Variants in CFTR observed in about 807,000 individuals in gnomAD.
The protein encoded by CFTR is CF transmembrane conductance regulator.
In CFTR, 181 loss-of-function variants were observed where a neutral mutation model predicts 171.6. The observed-to-expected ratio is 1.05, with a 90% CI of 0.93 to 1.19. The LOEUF (loss-of-function observed/expected upper bound fraction) is 1.19, where lower values mean the gene tolerates loss of function less well. Ranked by LOEUF, CFTR falls within the 50% of genes most tolerant of loss-of-function variation. The pLI is 0.00. For missense variants in CFTR, 1,968 were observed against 1,734.7 expected (o/e 1.13, Z -2.39); for synonymous variants, 583 against 608.0 (o/e 0.96, Z 0.60).
intron 10 of CFTR, among the ~76,000 whole-genome samples, chr7:117,550,444 A>AT (rs1175960655): frequency 6.6e-6 from 1 of 151,880 alleles, no homozygotes; most frequent in Admixed American, 6.6e-5. Context: ...GGAATTGTGC[A>AT]TTTTTTCTTA....
chr7:117,530,925 C>G lies in CFTR; in HGVS notation c.300C>G (p.Leu100=), dbSNP rs1206224160. Residue 100 remains leucine (L), a synonymous_variant, in exon 4 of 27, where the codon CTC becomes CTG. Coordinates refer to ENST00000003084, the MANE Select transcript of CFTR (RefSeq NM_000492.4). The part of the protein sequence containing the change: ...LGEVTKAVQP[L]LLGRIIASYD... ...AAGTCACCAAAGCAGTACAGCCTCT[C>G]TTACTGGGAAGAATCATAGCTTCCT... is the stretch of plus-strand genomic sequence containing the variant. 6.2e-7 allele frequency: 1 copy of G among 1,613,280 alleles called. No homozygotes were observed. The highest frequency in any genetic ancestry group is 1.3e-5 in the African/African-American group (1 of 74,906).
chr7:117,657,499 C>G (rs1180107750), intron 24 of CFTR, among the ~76,000 whole-genome samples: 1 of 152,078 alleles, frequency 6.6e-6, no homozygotes, highest in African/African-American at 2.4e-5. Flanking sequence ...CAAGTATCAG[C>G]CTAGAGAAGC....
At chr7:117,595,210 T>TA in intron 15 of CFTR, 152 bp downstream of exon 15, 4 of 566,878 alleles carry the variant, frequency 7.1e-6, no homozygotes, top group Non-Finnish European at 1.2e-5. Flanking sequence ...TATCACTATA[T>TA]GTATATATGT....
rs1367483657 is a variant in CFTR at position 117,548,809 on chromosome 7, A to G, written c.1378A>G (p.Thr460Ala). ...RGQLLAVAGS[T>A]GAGKTSLLMV... is the part of the protein sequence containing the mutation. ...ACAGTTGTTGGCGGTTGCTGGATCC[A>G]CTGGAGCAGGCAAGGTAGTTCTTTT... Residue 460 changes from threonine (T) to alanine (A), a missense_variant, in exon 10 of 27, where the codon ACT (threonine) becomes GCT (alanine). Thr to Ala is a moderately conservative substitution (Grantham distance 58). Transcript: ENST00000003084. 1.2e-6 allele frequency: 2 copies of G among 1,610,400 alleles called. No individual in the cohort carries two copies. The highest frequency in any genetic ancestry group is 2.7e-5 in the African/African-American group (2 of 74,836).
At chr7:117,538,353 T>A (rs1297838374) in intron 7 of CFTR, among the ~76,000 whole-genome samples, 1 of 152,206 alleles carries the variant, frequency 6.6e-6, no homozygotes, top group East Asian at 1.9e-4. Flanking sequence ...ATTTTAAAAA[T>A]AACAAACTGA....
chr7:117,658,850 C>A (rs1277134121), intron 24 of CFTR, among the ~76,000 whole-genome samples: 2 of 152,152 alleles, frequency 1.3e-5, no homozygotes, highest in Admixed American at 6.5e-5. Flanking sequence ...CCCTCATTGA[C>A]CCCCAATAGT....
chr7:117,606,818 G>A, intron 18 of CFTR, 65 bp downstream of exon 18: 1 of 950,560 alleles, frequency 1.1e-6, no homozygotes. Context: ...AAAAGCAAAT[G>A]TGATTTTGTT....
intron 11 of CFTR, among the ~76,000 whole-genome samples, chr7:117,568,031 G>A (rs1411485658): frequency 6.6e-6 from 1 of 152,128 alleles, no homozygotes; most frequent in Non-Finnish European, 1.5e-5. Context: ...CAAAATGTAC[G>A]AGGCCTGATG....
At chr7:117,611,877 T>C in intron 20 of CFTR, 69 bp downstream of exon 20, 1 of 1,031,300 alleles carries the variant, frequency 9.7e-7, no homozygotes. Context: ...AATGCTGCAT[T>C]CTATAGGTTA....
intron 21 of CFTR, among the ~76,000 whole-genome samples, chr7:117,625,381 T>C (rs574265885): frequency 2.0e-5 from 3 of 152,286 alleles, no homozygotes; most frequent in Non-Finnish European, 2.9e-5. Context: ...TAATGGAGAA[T>C]GTAATTTGCA....
chr7:117,599,187 G>T (rs537449562), intron 15 of CFTR, among the ~76,000 whole-genome samples: 24 of 152,238 alleles, frequency 1.6e-4, no homozygotes, highest in African/African-American at 5.3e-4. Flanking sequence ...ATAAAACTCA[G>T]TCTGTGCCCA....
At chr7:117,529,408 C>G (rs1416130881) in intron 3 of CFTR, among the ~76,000 whole-genome samples, 2 of 128,604 alleles carry the variant, frequency 1.6e-5, no homozygotes, top group Non-Finnish European at 3.2e-5. Flanking sequence ...GGAGATATAC[C>G]TAATGCTAGA....
chr7:117,652,841 G>A lies in CFTR; in HGVS notation c.3874-1G>A, dbSNP rs397508624. On this transcript the variant is annotated splice_acceptor_variant, in intron 23 of 26. Transcript: ENST00000003084. LOFTEE classifies it high-confidence loss of function. ...TCTTCTTCTTTTCTTTTTTGCTATA[G>A]AAAGTATTTATTTTTTCTGGAACAT... 1.4e-6 allele frequency: 2 copies of A among 1,414,164 alleles called. No homozygotes were observed. Among genetic ancestry groups the A allele is most frequent in the African/African-American group, 2.8e-5 (2 of 70,858 alleles). The allele number at this position is 1,414,164 out of a possible 1,614,324, so 87.6% of individuals were successfully genotyped here.
rs147491344 is a variant in CFTR at position 117,644,785 on chromosome 7, A to G, written c.3873+2192A>G. ...CTGCCAGCTTGGAAGACTATTGTGT[A>G]AATTTCAAGGTGGAGCCTCCTTTAA... is the stretch of plus-strand genomic sequence containing the variant. On this transcript the variant is annotated intron_variant, in intron 23 of 26. Transcript: ENST00000003084. Among the ~76,000 whole-genome samples the G allele has an allele frequency of 3.3e-4, 51 of 152,246 alleles. 1 individual carries two copies. The East Asian group carries it at 8.9e-3, about 27-fold the overall frequency.
At chr7:117,538,379 CAT>C (rs1193559517) in intron 7 of CFTR, among the ~76,000 whole-genome samples, 3 of 152,122 alleles carry the variant, frequency 2.0e-5, no homozygotes, top group East Asian at 1.9e-4. Flanking sequence ...TTTTATGACT[CAT>C]AAAATGTTAG....
At chr7:117,577,249 G>A (rs1791785982) in intron 11 of CFTR, among the ~76,000 whole-genome samples, 1 of 152,112 alleles carries the variant, frequency 6.6e-6, no homozygotes, top group Non-Finnish European at 1.5e-5. Flanking sequence ...GAGGAGTGCT[G>A]GGAGGTGAGG....
At chr7:117,642,902 CAAGT>C (rs1172220595) in intron 23 of CFTR, among the ~76,000 whole-genome samples, 1 of 152,106 alleles carries the variant, frequency 6.6e-6, no homozygotes, top group Non-Finnish European at 1.5e-5. Flanking sequence ...GCCTGACCTC[CAAGT>C]TAGCAATCGC....
At chr7:117,556,246 G>A (rs1021779805) in intron 10 of CFTR, among the ~76,000 whole-genome samples, 10 of 151,774 alleles carry the variant, frequency 6.6e-5, no homozygotes, top group Admixed American at 5.3e-4. Context: ...TGTATTTTTA[G>A]TAGAGACGGG....
chr7:117,595,187 A>T, intron 15 of CFTR, 129 bp downstream of exon 15: 1 of 667,626 alleles, frequency 1.5e-6, no homozygotes, highest in African/African-American at 1.8e-5. Flanking sequence ...AAGTATGCAT[A>T]TATACACACA....
Sources: gnomAD v4.1 joint callset for allele counts (sites outside exome capture counted in the v4.1 genomes callset) on GRCh38, gnomAD v4.1.1 for gene constraint, MANE v1.5 for transcripts, NCBI Gene and HGNC (gene_info 2026-07-23, HGNC 2026-07-21) for gene names.